GRAMD4: variants seen among roughly 807,000 people sequenced by gnomAD.
GRAMD4 encodes GRAM domain containing 4.
A neutral mutation model predicts 83.9 loss-of-function variants in GRAMD4; 25 were observed. The ratio of observed to expected loss-of-function variants is 0.30; its 90% CI spans 0.22 to 0.42. The LOEUF (loss-of-function observed/expected upper bound fraction) is 0.42. GRAMD4 is among the 10% of genes least tolerant of loss of function. The pLI is 1.00. For missense variants in GRAMD4, 593 were observed against 788.7 expected (o/e 0.75, Z 2.97); for synonymous variants, 336 against 320.9 (o/e 1.05, Z -0.50).
chr22:46,668,104 A>G lies in GRAMD4; in HGVS notation c.867A>G (p.Pro289=). The part of the protein sequence containing the change: ...VPEVSEPVEP[P]KEDLTVSEKF... Reference sequence around the variant, plus strand: ...TTCCCCTTTTACTGAAGGAACCTCCAAAGGAAGACCTGACTGTGTCTGAGA... The same window carrying G: ...TTCCCCTTTTACTGAAGGAACCTCCGAAGGAAGACCTGACTGTGTCTGAGA... Residue 289 remains proline (P), a synonymous_variant, in exon 11 of 19, where the codon CCA becomes CCG. Transcript: ENST00000406902. The G allele has an allele frequency of 6.2e-7, 1 of 1,610,028 alleles. No homozygotes were observed. The highest frequency in any genetic ancestry group is 1.3e-5 in the African/African-American group (1 of 74,972).
At chr22:46,602,044 G>A (rs902270369) in intron 1 of GRAMD4, among the ~76,000 whole-genome samples, 1 of 152,174 alleles carries the variant, frequency 6.6e-6, no homozygotes, top group Admixed American at 6.5e-5. Flanking sequence ...GTGCTGGCAA[G>A]TGACCACGTC....
At chr22:46,612,100 C>G (rs1357504586) in intron 1 of GRAMD4, among the ~76,000 whole-genome samples, 2 of 84,674 alleles carry the variant, frequency 2.4e-5, no homozygotes, top group African/African-American at 3.6e-5. Context: ...AACTCCTGGT[C>G]TCAAGCGACT....
intron 2 of GRAMD4, among the ~76,000 whole-genome samples, chr22:46,632,576 G>T (rs1449457571): frequency 6.6e-6 from 1 of 152,128 alleles, no homozygotes; most frequent in Non-Finnish European, 1.5e-5. Flanking sequence ...TCTGAGAAGG[G>T]GTCAGCTGGA....
At chr22:46,654,530 C>T (rs1006128669) in intron 3 of GRAMD4, among the ~76,000 whole-genome samples, 4 of 152,148 alleles carry the variant, frequency 2.6e-5, no homozygotes, top group South Asian at 2.1e-4. Context: ...GCTGGGGGCT[C>T]GTGCCACATG....
chr22:46,612,978 G>A (rs1469065122), intron 1 of GRAMD4, among the ~76,000 whole-genome samples: 2 of 152,198 alleles, frequency 1.3e-5, no homozygotes, highest in Non-Finnish European at 2.9e-5. Flanking sequence ...TTGGGCTTGG[G>A]TCCCTGCTCG....
At chr22:46,657,857 C>T (rs951674976) in intron 3 of GRAMD4, among the ~76,000 whole-genome samples, 2 of 152,168 alleles carry the variant, frequency 1.3e-5, no homozygotes, top group African/African-American at 2.4e-5. Context: ...CTCAGCGTGG[C>T]GGTGCTTGGT....
chr22:46,590,978 C>T (rs1421745786), intron 1 of GRAMD4, among the ~76,000 whole-genome samples: 4 of 152,032 alleles, frequency 2.6e-5, no homozygotes, highest in African/African-American at 9.7e-5. Flanking sequence ...GAAAATTGCA[C>T]GAACCTGGGA....
intron 1 of GRAMD4, among the ~76,000 whole-genome samples, chr22:46,579,135 G>A (rs773949152): frequency 6.6e-5 from 10 of 152,248 alleles, no homozygotes; most frequent in Non-Finnish European, 1.3e-4. Context: ...GTTGTGGTGT[G>A]TTTCCACATA....
rs1024394361 is a variant in GRAMD4, at chr22:46,677,296, C to A, written c.*45C>A. On this transcript the variant is annotated 3_prime_UTR_variant, in exon 19 of 19. Coordinates refer to ENST00000406902, the MANE Select transcript of GRAMD4 (RefSeq NM_015124.5). ...TTGCTGGAATTTTCTTTTTCTTTTT[C>A]TTTTTCTTTTTTTTTTTTTACGATT... The A allele has an allele frequency of 1.3e-6, 2 of 1,548,762 alleles. No individual in the cohort carries two copies. Among genetic ancestry groups the A allele is most frequent in the Non-Finnish European group, 8.7e-7 (1 of 1,156,044 alleles).
At chr22:46,682,442 C>T (rs1035891549), downstream of GRAMD4, 56 of 985,082 alleles carry the variant, frequency 5.7e-5, no homozygotes, top group Non-Finnish European at 6.3e-5. Flanking sequence ...GTGGAAGCTG[C>T]TGGTACAAAA....
intron 1 of GRAMD4, among the ~76,000 whole-genome samples, chr22:46,578,561 G>A (rs1973025507): frequency 6.6e-6 from 1 of 152,192 alleles, no homozygotes; most frequent in South Asian, 2.1e-4. Context: ...CCTCTGCCCC[G>A]GGCGCTGTGG....
At chr22:46,618,665 C>T (rs916339758), upstream of GRAMD4, among the ~76,000 whole-genome samples, 17 of 151,940 alleles carry the variant, frequency 1.1e-4, no homozygotes, top group South Asian at 1.7e-3. The surrounding 1 kb of genome is among the most constrained non-coding windows in gnomAD (Gnocchi z 5.8). Context: ...GAGAAGGCTT[C>T]GGGAGGCACG....
At chr22:46,680,183 G>T (rs2082653145), downstream of GRAMD4, among the ~76,000 whole-genome samples, 1 of 152,216 alleles carries the variant, frequency 6.6e-6, no homozygotes, top group African/African-American at 2.4e-5. Flanking sequence ...CCACTTTGGT[G>T]TCCTGGCTGC....
At chr22:46,615,650 G>A (rs1262425755), upstream of GRAMD4, among the ~76,000 whole-genome samples, 1 of 103,904 alleles carries the variant, frequency 9.6e-6, no homozygotes, top group Non-Finnish European at 2.0e-5. Context: ...TCCCCTGTGC[G>A]TGTAGGTTCC....
chr22:46,665,656 G>T lies in GRAMD4; in HGVS notation c.759G>T (p.Leu253Phe). The change falls in exon 9 of 19, where the codon TTG becomes TTT. Residue 253 changes from leucine (L) to phenylalanine (F), a missense_variant. Transcript: ENST00000406902. ...TGTGGCATGGCTGGGCCATCCCATT[G>T]TTCTTATTTCTAGCAATTCTGAGGT... is the stretch of plus-strand genomic sequence containing the variant. Reference protein sequence around the residue: ...NAVWHGWAIPLFLFLAILRLS... With the variant: ...NAVWHGWAIPFFLFLAILRLS... The T allele has an allele frequency of 6.2e-7, 1 of 1,608,330 alleles. No individual in the cohort carries two copies. The highest frequency in any genetic ancestry group is 1.1e-5 in the South Asian group (1 of 90,928).
In GRAMD4 at chr22:46,672,852, C is replaced by T. The variant is rs1422669360; in HGVS notation, c.1094C>T (p.Ala365Val). 1.9e-6 allele frequency: 3 copies of T among 1,612,066 alleles called. No individual in the cohort carries two copies. Among genetic ancestry groups the T allele is most frequent in the South Asian group, 1.1e-5 (1 of 91,036 alleles). Residue 365 changes from alanine to valine, a missense_variant, in exon 14 of 19, where the codon GCT (alanine) becomes GTT (valine). This residue lies in a region of GRAMD4 where 171 missense variants were observed against 199.6 expected (regional missense o/e 0.86). Coordinates refer to ENST00000406902, the MANE Select transcript of GRAMD4 (RefSeq NM_015124.5). The surrounding 1 kb of genome is among the most constrained non-coding windows in gnomAD (Gnocchi z 4.7). Reference sequence around the variant, plus strand: ...TGTCCCCTGCCCTCAGGACTCTATGCTGGTATCAAGTTCTTCCTCATTGAT... The same window carrying T: ...TGTCCCCTGCCCTCAGGACTCTATGTTGGTATCAAGTTCTTCCTCATTGAT... ...RLVGLAVGLY[A>V]GIKFFLIDFI...
chr22:46,676,734 C>T (rs766379792), intron 18 of GRAMD4, 66 bp downstream of exon 18: 43 of 1,408,048 alleles, frequency 3.1e-5, no homozygotes, highest in Non-Finnish European at 3.9e-5. Flanking sequence ...CTGAGCAACC[C>T]TGGGACCAGC....
intron 3 of GRAMD4, among the ~76,000 whole-genome samples, chr22:46,649,081 T>C (rs911213198): frequency 6.6e-6 from 1 of 152,258 alleles, no homozygotes; most frequent in African/African-American, 2.4e-5. Context: ...GAGCTCCAGA[T>C]GCACCACCTT....
At chr22:46,576,749 C>T (rs527915441), upstream of GRAMD4, among the ~76,000 whole-genome samples, 452 of 150,474 alleles carry the variant, frequency 3.0e-3, 2 homozygotes, top group African/African-American at 0.011. Context: ...GAAAGGCGGG[C>T]GGTCCCGCGG....
Sources: allele counts gnomAD v4.1 joint callset (sites outside exome capture counted in the v4.1 genomes callset), GRCh38; gene constraint gnomAD v4.1.1; regional missense constraint gnomAD v4.1.1; non-coding constraint Gnocchi (gnomAD v3.1); transcripts MANE v1.5; gene names NCBI Gene and HGNC (gene_info 2026-07-23, HGNC 2026-07-21).